The following RSRC1 variants were observed in gnomAD, a reference collection of about 807,000 sequenced individuals.
The protein encoded by RSRC1 is serine/Arginine-related protein 53.
A neutral mutation model predicts 49.1 loss-of-function variants in RSRC1; 39 were observed. That is an observed-to-expected ratio of 0.79 (90% CI 0.61 to 1.04). The LOEUF (loss-of-function observed/expected upper bound fraction) is 1.04, where lower values mean the gene tolerates loss of function less well. Among genes scored for constraint, RSRC1 ranks in the 50% least tolerant of loss-of-function variants. The probability of loss-of-function intolerance (pLI) is 0.00; values close to 1 mark genes in which losing one functional copy is unlikely to be tolerated. For missense variants in RSRC1, 388 were observed against 402.4 expected, an observed-to-expected ratio of 0.96 and a Z score of 0.31; for synonymous variants, 143 against 130.8, an observed-to-expected ratio of 1.09 and a Z score of -0.63.
At chr3:158,229,582 G>C (rs1187733939) in intron 4 of RSRC1, among the ~76,000 whole-genome samples, 1 of 150,432 alleles carries the variant, frequency 6.6e-6, no homozygotes, top group Non-Finnish European at 1.5e-5. Context: ...AAGGAGGTAA[G>C]TTTCTGGTTG....
chr3:158,354,197 G>A (rs1235594748), intron 5 of RSRC1, among the ~76,000 whole-genome samples: 1 of 151,936 alleles, frequency 6.6e-6, no homozygotes, highest in Non-Finnish European at 1.5e-5. Context: ...CACCATGTTG[G>A]CCAGGATGGT....
chr3:158,265,161 T>C (rs751039216), intron 4 of RSRC1, among the ~76,000 whole-genome samples: 4 of 152,240 alleles, frequency 2.6e-5, no homozygotes, highest in African/African-American at 4.8e-5. Flanking sequence ...CTTCATACTT[T>C]GTTTCTTAAC....
At chr3:158,485,787 CTG>C (rs1348675219) in intron 7 of RSRC1, among the ~76,000 whole-genome samples, 2 of 152,084 alleles carry the variant, frequency 1.3e-5, no homozygotes, top group African/African-American at 2.4e-5. Context: ...AATTAGATAA[CTG>C]TGATTTTCAC....
intron 1 of RSRC1, among the ~76,000 whole-genome samples, chr3:158,110,819 G>T (rs1489490694): frequency 2.0e-5 from 3 of 152,124 alleles, no homozygotes; most frequent in African/African-American, 4.8e-5. Context: ...TTTGACTTCT[G>T]TACTGGTGGC....
chr3:158,430,283 T>G (rs1051712927), intron 6 of RSRC1, among the ~76,000 whole-genome samples: 1 of 151,850 alleles, frequency 6.6e-6, no homozygotes, highest in African/African-American at 2.4e-5. Context: ...GCAGTCATCT[T>G]TAACTTGTGA....
rs538223398 is a variant in RSRC1 at position 158,184,903 on chromosome 3, T to G, written c.321-18169T>G. ...AGGCAAATTTTATATGAAAAACTTT[T>G]AATTATTTTGAGGGAGAGTGGTCTA... is the stretch of plus-strand genomic sequence containing the variant. On this transcript the variant is annotated intron_variant, in intron 3 of 9. Coordinates refer to ENST00000611884, the MANE Select transcript of RSRC1 (RefSeq NM_001271838.2). Among the ~76,000 whole-genome samples, 3 of 152,166 alleles carry G rather than the reference T, an allele frequency of 2.0e-5. No homozygotes were observed. In the East Asian group the frequency reaches 5.8e-4, roughly 29 times the overall value.
At chr3:158,355,018 C>T in intron 6 of RSRC1, 110 bp downstream of exon 6, 1 of 665,174 alleles carries the variant, frequency 1.5e-6, no homozygotes, top group Non-Finnish European at 2.4e-6. Flanking sequence ...TATATATCCT[C>T]ACAAATTTAT....
At chr3:158,175,951 C>T (rs568959584) in intron 3 of RSRC1, among the ~76,000 whole-genome samples, 3 of 152,212 alleles carry the variant, frequency 2.0e-5, no homozygotes, top group Non-Finnish European at 4.4e-5. Flanking sequence ...TCATGAGGTT[C>T]TCGTGCCATG....
chr3:158,259,147 A>G (rs1194907014), intron 4 of RSRC1, among the ~76,000 whole-genome samples: 1 of 152,006 alleles, frequency 6.6e-6, no homozygotes, highest in Non-Finnish European at 1.5e-5. Flanking sequence ...TGAAATGTTT[A>G]TAGGTGTCTG....
intron 5 of RSRC1, among the ~76,000 whole-genome samples, chr3:158,306,944 AC>A (rs1399218905): frequency 6.6e-6 from 1 of 151,834 alleles, no homozygotes; most frequent in Non-Finnish European, 1.5e-5. Context: ...GAATTGAAAG[AC>A]AAGTAAATTG....
At chr3:158,420,482 C>G (rs1176650953) in intron 6 of RSRC1, among the ~76,000 whole-genome samples, 2 of 151,820 alleles carry the variant, frequency 1.3e-5, no homozygotes, top group Non-Finnish European at 2.9e-5. Flanking sequence ...GGTCTTGGTT[C>G]CTGGACCGGT....
intron 3 of RSRC1, among the ~76,000 whole-genome samples, chr3:158,185,390 G>A (rs1284479246): frequency 6.6e-6 from 1 of 151,848 alleles, no homozygotes; most frequent in Non-Finnish European, 1.5e-5. Context: ...TTGGAAAATT[G>A]TCATTTTCTT....
In RSRC1 at chr3:158,476,079, G is replaced by T. The variant is rs368828712; in HGVS notation, c.652+15076G>T. On this transcript the variant is annotated intron_variant, in intron 7 of 9. Coordinates refer to ENST00000611884, the MANE Select transcript of RSRC1 (RefSeq NM_001271838.2). ...AGGGAGAAAGTTGGAGTGGATAGAA[G>T]ATCTAGATAGAAGATCAAACCAGCT... Among the ~76,000 whole-genome samples the T allele has an allele frequency of 6.6e-5, 10 of 152,248 alleles. No individual in the cohort carries two copies. In the East Asian group the frequency reaches 7.7e-4, roughly 12 times the overall value.
Position 158,241,996 on chromosome 3 carries a change from A to C in RSRC1, c.494+38751A>C, listed in dbSNP as rs559538389. ...TGATATGAATGTTTCTATCATTCAC[A>C]GACATTTTCATTCTTTGTTTTTCTT... On this transcript the variant is annotated intron_variant, in intron 4 of 9. Coordinates refer to ENST00000611884, the MANE Select transcript of RSRC1 (RefSeq NM_001271838.2). Among the ~76,000 whole-genome samples, 8 of 149,092 alleles carry C rather than the reference A, an allele frequency of 5.4e-5. No individual in the cohort carries two copies. The South Asian group carries it at 1.7e-3, about 31-fold the overall frequency.
chr3:158,530,024 C>T (rs953006725), intron 7 of RSRC1, among the ~76,000 whole-genome samples: 1 of 151,908 alleles, frequency 6.6e-6, no homozygotes, highest in African/African-American at 2.4e-5. Flanking sequence ...ACTGCTTCCA[C>T]TCCTTCTCTC....
chr3:158,452,674 C>G (rs2108392283), intron 6 of RSRC1, among the ~76,000 whole-genome samples: 1 of 152,258 alleles, frequency 6.6e-6, no homozygotes, highest in South Asian at 2.1e-4. Context: ...AGCAAAAATA[C>G]ATTTTGCTAG....
intron 5 of RSRC1, among the ~76,000 whole-genome samples, chr3:158,313,566 C>G (rs1042961157): frequency 3.9e-5 from 6 of 152,070 alleles, no homozygotes; most frequent in African/African-American, 1.4e-4. Flanking sequence ...ACTGTTATAT[C>G]CAGAATTGAG....
rs537165289 is a variant in RSRC1, at chr3:158,350,449, G to A, written c.532-4408G>A. ...TTGGCCTCCCAAAGTGCTAGATTAC[G>A]GGCATGAGCCACCATGCCCAGCGTA... On this transcript the variant is annotated intron_variant, in intron 5 of 9. Transcript: ENST00000611884. Among the ~76,000 whole-genome samples, 4 of 151,938 alleles carry A rather than the reference G, an allele frequency of 2.6e-5. No individual in the cohort carries two copies. The East Asian group carries it at 7.8e-4, about 29-fold the overall frequency.
chr3:158,309,983 A>T (rs1400738278), intron 5 of RSRC1, among the ~76,000 whole-genome samples: 1 of 151,728 alleles, frequency 6.6e-6, no homozygotes, highest in African/African-American at 2.4e-5. Context: ...GAGAAAGTGT[A>T]TTAAACCATA....
Sources: allele counts gnomAD v4.1 joint callset (sites outside exome capture counted in the v4.1 genomes callset), GRCh38; gene constraint gnomAD v4.1.1; transcripts MANE v1.5; gene names NCBI Gene and HGNC (gene_info 2026-07-23, HGNC 2026-07-21).